The following ABCD3 variants were observed in gnomAD, a reference collection of about 807,000 sequenced individuals.
The protein encoded by ABCD3 is ATP binding cassette subfamily D member 3, also known as ATP-binding cassette sub-family D member 3.
A neutral mutation model predicts 105.5 loss-of-function variants in ABCD3; 41 were observed. The ratio of observed to expected loss-of-function variants is 0.39; its 90% CI spans 0.30 to 0.50. The LOEUF (loss-of-function observed/expected upper bound fraction) is 0.50. ABCD3 is among the 20% of genes least tolerant of loss of function. The pLI, the probability that ABCD3 is intolerant of heterozygous loss-of-function variation, is 0.84. For synonymous variants in ABCD3, 258 were observed against 269.0 expected, an observed-to-expected ratio of 0.96 and a Z score of 0.40; for missense variants, 622 against 806.3, an observed-to-expected ratio of 0.77 and a Z score of 2.77.
rs754846454 is a variant in ABCD3 at position 94,487,729 on chromosome 1, C to A, written c.1003C>A (p.Arg335Ser). 1 of 1,613,880 alleles carries A rather than the reference C, an allele frequency of 6.2e-7. No individual in the cohort carries two copies. The highest frequency in any genetic ancestry group is 1.3e-5 in the African/African-American group (1 of 74,904). Residue 335 changes from arginine to serine, a missense_variant, in exon 12 of 23, where the codon CGC becomes AGC. Physicochemically the swap from Arg to Ser is moderately radical, Grantham distance 110. Around this residue, in one of 4 missense-constraint regions of ABCD3, gnomAD observed 245 missense variants for 356.4 expected, o/e 0.69. Coordinates refer to ENST00000370214, the MANE Select transcript of ABCD3 (RefSeq NM_002858.4). ...TGTTGTTGGTTACCTAGTTGTCAGT[C>A]GCCCTTTCTTAGATTTGTCTCATCC... The part of the protein sequence containing the change: ...ATVVGYLVVS[R>S]PFLDLSHPRH...
chr1:94,453,034 G>C (rs1410961943), intron 1 of ABCD3, among the ~76,000 whole-genome samples: 1 of 152,106 alleles, frequency 6.6e-6, no homozygotes, highest in Non-Finnish European at 1.5e-5. Flanking sequence ...CTTCCAAAGT[G>C]CTCGGCCTTC....
chr1:94,487,730 G>A lies in ABCD3; in HGVS notation c.1004G>A (p.Arg335His), dbSNP rs778909026. The change falls in exon 12 of 23, where the codon CGC becomes CAC. Residue 335 changes from arginine to histidine, a missense_variant. Arg to His is a conservative substitution (Grantham distance 29). This residue lies in a region of ABCD3 where 245 missense variants were observed against 356.4 expected (regional missense o/e 0.69). Coordinates refer to ENST00000370214, the MANE Select transcript of ABCD3 (RefSeq NM_002858.4). ...GTTGTTGGTTACCTAGTTGTCAGTCGCCCTTTCTTAGATTTGTCTCATCCT... is the reference window on the plus strand; with the variant it reads ...GTTGTTGGTTACCTAGTTGTCAGTCACCCTTTCTTAGATTTGTCTCATCCT... ...ATVVGYLVVS[R>H]PFLDLSHPRH... 1.1e-5 allele frequency: 18 copies of A among 1,613,786 alleles called. No individual in the cohort carries two copies. Among genetic ancestry groups the A allele is most frequent in the Non-Finnish European group, 1.4e-5 (16 of 1,179,926 alleles).
At chr1:94,442,241 G>A (rs1014400806) in intron 1 of ABCD3, among the ~76,000 whole-genome samples, 1 of 152,122 alleles carries the variant, frequency 6.6e-6, no homozygotes, top group Non-Finnish European at 1.5e-5. Context: ...AAAATACTGT[G>A]CAATTGCTAT....
chr1:94,454,653 A>T (rs557622868), intron 1 of ABCD3, among the ~76,000 whole-genome samples: 2 of 152,156 alleles, frequency 1.3e-5, no homozygotes, highest in African/African-American at 4.8e-5. Flanking sequence ...TATAGAACTT[A>T]CTTTCTTTTT....
chr1:94,422,601 C>T (rs1659302100), intron 1 of ABCD3, among the ~76,000 whole-genome samples: 1 of 152,160 alleles, frequency 6.6e-6, no homozygotes, highest in Non-Finnish European at 1.5e-5. Context: ...TTCTTGAGGG[C>T]ATGAACTGAG....
chr1:94,458,533 A>T (rs567127862), intron 1 of ABCD3, 74 bp from the exon 2 acceptor site: 2 of 1,309,484 alleles, frequency 1.5e-6, no homozygotes, highest in African/African-American at 1.5e-5. Flanking sequence ...GGTATATTTG[A>T]CATCTTAAAA....
the ABCD3 span, among the ~76,000 whole-genome samples, chr1:94,408,399 A>G: frequency 6.6e-6 from 1 of 151,394 alleles, no homozygotes; most frequent in South Asian, 2.1e-4. Flanking sequence ...CTTGGCCAAC[A>G]TGGTGAAACC....
intron 1 of ABCD3, among the ~76,000 whole-genome samples, chr1:94,455,973 G>C (rs1647535452): frequency 6.6e-6 from 1 of 151,992 alleles, no homozygotes; most frequent in African/African-American, 2.4e-5. Context: ...TATACATTGT[G>C]AAATGATTAC....
intron 1 of ABCD3, among the ~76,000 whole-genome samples, chr1:94,435,412 A>G (rs1299542280): frequency 6.6e-6 from 1 of 152,148 alleles, no homozygotes; most frequent in Non-Finnish European, 1.5e-5. Context: ...GTGGTGGTAC[A>G]TGCCTGTAAT....
intron 21 of ABCD3, among the ~76,000 whole-genome samples, chr1:94,510,710 C>T (rs572638987): frequency 2.0e-5 from 3 of 152,190 alleles, no homozygotes; most frequent in African/African-American, 7.2e-5. Flanking sequence ...ATAGTTAGCT[C>T]TTCTTGTTGA....
At chr1:94,495,593 T>G (rs1483945736) in intron 16 of ABCD3, among the ~76,000 whole-genome samples, 1 of 152,180 alleles carries the variant, frequency 6.6e-6, no homozygotes, top group Non-Finnish European at 1.5e-5. Flanking sequence ...AAAGGATAAC[T>G]CAGGATTTCA....
At position 94,464,802 on chromosome 1, in the gene ABCD3, G is replaced by T. The variant is rs748579718; in HGVS notation, c.175G>T (p.Val59Leu). The part of the protein sequence containing the change: ...EKEGKKERAV[V>L]DKVFFSRLIQ... ...AGAGGGGAAAAAGGAGCGAGCTGTG[G>T]TGGACAAGGTGTTTTTCTCAAGGCT... is the stretch of plus-strand genomic sequence containing the variant. Residue 59 changes from valine (V) to leucine (L), a missense_variant, in exon 3 of 23, where the codon GTG (valine) becomes TTG (leucine). Around this residue, in one of 4 missense-constraint regions of ABCD3, gnomAD observed 89 missense variants for 77.5 expected, o/e 1.15. Transcript: ENST00000370214. 5.0e-6 allele frequency: 8 copies of T among 1,613,680 alleles called. No homozygotes were observed. The South Asian group carries it at 7.7e-5, about 16-fold the overall frequency.
chr1:94,411,497 G>A, the ABCD3 span, among the ~76,000 whole-genome samples: 1 of 152,158 alleles, frequency 6.6e-6, no homozygotes, highest in African/African-American at 2.4e-5. Context: ...CTGTTGGCAA[G>A]GATGTGGAGA....
chr1:94,390,400 TCAAG>T, the ABCD3 span, among the ~76,000 whole-genome samples: 2 of 152,068 alleles, frequency 1.3e-5, no homozygotes, highest in Admixed American at 6.6e-5. Flanking sequence ...CCCCCTGGGT[TCAAG>T]CAATTCTCCT....
intron 8 of ABCD3, among the ~76,000 whole-genome samples, chr1:94,479,368 T>C (rs1288381303): frequency 2.0e-5 from 3 of 152,174 alleles, no homozygotes; most frequent in Non-Finnish European, 4.4e-5. Flanking sequence ...CAGAAACTGT[T>C]TTAGTTATCT....
chr1:94,427,131 T>G (rs924244763), intron 1 of ABCD3, among the ~76,000 whole-genome samples: 4 of 152,162 alleles, frequency 2.6e-5, no homozygotes, highest in Non-Finnish European at 5.9e-5. Context: ...CTTCTGGTAG[T>G]AGACCTGGCA....
intron 8 of ABCD3, among the ~76,000 whole-genome samples, chr1:94,479,433 T>C (rs1648927065): frequency 7.3e-6 from 1 of 137,012 alleles, no homozygotes; most frequent in Non-Finnish European, 1.7e-5. Flanking sequence ...TCAGATTTAC[T>C]TTTTTTTTTT....
chr1:94,443,821 G>A (rs574635732), intron 1 of ABCD3, among the ~76,000 whole-genome samples: 8 of 152,246 alleles, frequency 5.3e-5, no homozygotes, highest in African/African-American at 1.9e-4. Flanking sequence ...GTTCTGTATT[G>A]TGTTTGTATA....
intron 3 of ABCD3, among the ~76,000 whole-genome samples, chr1:94,465,255 A>G (rs1157755566): frequency 6.6e-6 from 1 of 152,212 alleles, no homozygotes; most frequent in Non-Finnish European, 1.5e-5. Flanking sequence ...ACATTTCAAC[A>G]TGAGATTTGG....
Sources: gnomAD v4.1 joint callset for allele counts (sites outside exome capture counted in the v4.1 genomes callset) on GRCh38, gnomAD v4.1.1 for gene constraint, gnomAD v4.1.1 regional missense constraint, MANE v1.5 for transcripts, NCBI Gene and HGNC (gene_info 2026-07-23, HGNC 2026-07-21) for gene names.